Variants in BACH2 observed in about 807,000 individuals in gnomAD.
BACH2 encodes transcription regulator protein BACH2.
In BACH2, 5 loss-of-function variants were observed where a neutral mutation model predicts 61.8. That is an observed-to-expected ratio of 0.08 (90% CI 0.04 to 0.17). The LOEUF (loss-of-function observed/expected upper bound fraction) is 0.17. BACH2 is among the 10% of genes least tolerant of loss of function. The pLI is 1.00. For missense variants in BACH2, 824 were observed against 1,091.1 expected, an observed-to-expected ratio of 0.76 and a Z score of 3.45; for synonymous variants, 446 against 440.1, an observed-to-expected ratio of 1.01 and a Z score of -0.17.
At chr6:90,217,042 G>A (rs1406670764) in intron 3 of BACH2, among the ~76,000 whole-genome samples, 1 of 152,152 alleles carries the variant, frequency 6.6e-6, no homozygotes, top group Non-Finnish European at 1.5e-5. Context: ...GCAACTTGGG[G>A]TCCCCAAAAT....
intron 5 of BACH2, among the ~76,000 whole-genome samples, chr6:90,053,591 T>C (rs151256738): frequency 0.014 from 2,131 of 152,330 alleles, 20 homozygotes; most frequent in Non-Finnish European, 0.022. Flanking sequence ...AAGTATATTC[T>C]TTCAAGTTCC....
At chr6:89,935,884 C>CTTAG (rs1772991810) in intron 8 of BACH2, among the ~76,000 whole-genome samples, 1 of 152,222 alleles carries the variant, frequency 6.6e-6, no homozygotes, top group African/African-American at 2.4e-5. Flanking sequence ...GTGGACTTAA[C>CTTAG]TACCTAAGCC....
intron 6 of BACH2, among the ~76,000 whole-genome samples, chr6:89,987,239 G>A (rs919541964): frequency 1.3e-5 from 2 of 152,296 alleles, no homozygotes; most frequent in Admixed American, 1.3e-4. Context: ...GGAGAGTCCT[G>A]GCTTAAGGAG....
intron 4 of BACH2, among the ~76,000 whole-genome samples, chr6:90,092,315 T>TATATATATATATATATATATATAC (rs142761642): frequency 2.7e-5 from 3 of 112,474 alleles, no homozygotes; most frequent in East Asian, 1.4e-3. Context: ...TATATATATA[T>TATATATATATATATATATATATAC]ACACACACAC....
chr6:89,950,192 G>C lies in BACH2; in HGVS notation c.1836+78C>G. 6.7e-7 allele frequency: 1 copy of C among 1,490,216 alleles called. No homozygotes were observed. Among genetic ancestry groups the C allele is most frequent in the South Asian group, 1.1e-5 (1 of 88,006 alleles). The allele number at this position is 1,490,216 out of a possible 1,614,324, so 92.3% of individuals were successfully genotyped here. A position where few individuals can be genotyped will look rare whatever the true frequency, so the allele number is the denominator to read the frequency against. On this transcript the variant is annotated intron_variant, in intron 7 of 8. Coordinates refer to ENST00000257749, the MANE Select transcript of BACH2 (RefSeq NM_021813.4). The surrounding 1 kb of genome is among the most constrained non-coding windows in gnomAD (Gnocchi z 5.3). ...CTTAGCACGTAAGAACAATGTGGGAGTGGTGGGGGGCAGGGAGTAGTCCAG... is the reference window on the plus strand; with the variant it reads ...CTTAGCACGTAAGAACAATGTGGGACTGGTGGGGGGCAGGGAGTAGTCCAG...
chr6:90,263,955 G>A (rs1342932030), intron 2 of BACH2, among the ~76,000 whole-genome samples: 2 of 152,158 alleles, frequency 1.3e-5, no homozygotes, highest in African/African-American at 4.8e-5. Flanking sequence ...TTTACAGGCT[G>A]AAAAGCTTAT....
chr6:90,095,228 GTTTT>G (rs35734303), intron 4 of BACH2, among the ~76,000 whole-genome samples: 1 of 147,720 alleles, frequency 6.8e-6, no homozygotes, highest in African/African-American at 2.5e-5. Flanking sequence ...CAGAGATGAA[GTTTT>G]TTTTTTTTTT....
At chr6:90,208,359 G>GA (rs1176347240) in intron 3 of BACH2, among the ~76,000 whole-genome samples, 2 of 151,404 alleles carry the variant, frequency 1.3e-5, no homozygotes, top group Non-Finnish European at 2.9e-5. Context: ...AAATTTACAA[G>GA]AAAAAAAACA....
chr6:90,213,459 C>T (rs1769425264), intron 3 of BACH2, among the ~76,000 whole-genome samples: 1 of 152,182 alleles, frequency 6.6e-6, no homozygotes, highest in South Asian at 2.1e-4. Flanking sequence ...AAACTCTCTA[C>T]CTGCCTCTTG....
intron 4 of BACH2, among the ~76,000 whole-genome samples, chr6:90,121,472 A>C (rs1358504942): frequency 6.6e-6 from 1 of 152,168 alleles, no homozygotes; most frequent in South Asian, 2.1e-4. Flanking sequence ...AATAAAAACT[A>C]TTTTAATAAA....
intron 6 of BACH2, among the ~76,000 whole-genome samples, chr6:89,992,270 C>G (rs1450947667): frequency 6.6e-6 from 1 of 152,152 alleles, no homozygotes; most frequent in Non-Finnish European, 1.5e-5. Context: ...CTTCTTTGCA[C>G]AAAAGGAAGC....
intron 6 of BACH2, among the ~76,000 whole-genome samples, chr6:89,976,081 T>C (rs865814213): frequency 7.9e-5 from 12 of 152,204 alleles, no homozygotes; most frequent in Non-Finnish European, 1.5e-4. Context: ...CCTGAATCCA[T>C]CTTGTCATGC....
In BACH2 at chr6:90,169,168, T is replaced by TA. The variant is rs35775210; in HGVS notation, c.-162+37400dup. Among the ~76,000 whole-genome samples the TA allele has an allele frequency of 8.3e-3, 1,175 of 142,024 alleles. 18 individuals are homozygous for TA. Among genetic ancestry groups the TA allele is most frequent in the African/African-American group, 0.027 (1,057 of 38,464 alleles). 93.2% of individuals were successfully genotyped at this position (142,024 alleles called of 152,430 possible). A position where few individuals can be genotyped will look rare whatever the true frequency, so the allele number is the denominator to read the frequency against. On this transcript the variant is annotated intron_variant, in intron 4 of 8. Transcript: ENST00000257749. The stretch of plus-strand genomic sequence containing the variant: ...TGCTTTCTCTCAGGTTACTGGTGAT[T>TA]AAAAAAAAAAAAAAGATTTTCTGAA...
chr6:90,163,376 T>G (rs1437755977), intron 4 of BACH2, among the ~76,000 whole-genome samples: 3 of 152,054 alleles, frequency 2.0e-5, no homozygotes, highest in Non-Finnish European at 4.4e-5. Flanking sequence ...CAACACAGAT[T>G]TAATTTATCT....
intron 5 of BACH2, among the ~76,000 whole-genome samples, chr6:90,031,573 G>A (rs1175192038): frequency 6.6e-6 from 1 of 152,048 alleles, no homozygotes; most frequent in African/African-American, 2.4e-5. Context: ...GACAAACAGA[G>A]AGCCAAATCA....
intron 4 of BACH2, among the ~76,000 whole-genome samples, chr6:90,190,614 T>C (rs1271726808): frequency 6.6e-6 from 1 of 152,236 alleles, no homozygotes; most frequent in Non-Finnish European, 1.5e-5. Flanking sequence ...ATAAAATTTA[T>C]AGAAAACTAA....
At chr6:90,138,308 G>A (rs1431005315) in intron 4 of BACH2, among the ~76,000 whole-genome samples, 4 of 152,164 alleles carry the variant, frequency 2.6e-5, no homozygotes, top group African/African-American at 9.7e-5. Flanking sequence ...TTCGAGACCA[G>A]TCTGGCCAAC....
chr6:90,282,478 C>T lies in BACH2; in HGVS notation c.-445-10537G>A, dbSNP rs563506495. Among the ~76,000 whole-genome samples, 9 of 152,290 alleles carry T rather than the reference C, an allele frequency of 5.9e-5. No homozygotes were observed. The East Asian group carries it at 9.6e-4, about 16-fold the overall frequency. On this transcript the variant is annotated intron_variant, in intron 1 of 8. Coordinates refer to ENST00000257749, the MANE Select transcript of BACH2 (RefSeq NM_021813.4). Reference sequence around the variant, plus strand: ...GCTCCATCTATGTCCCTGCAAAGGACATGATCTCATTCTTTTTTATGGCTG... The same window carrying T: ...GCTCCATCTATGTCCCTGCAAAGGATATGATCTCATTCTTTTTTATGGCTG...
intron 6 of BACH2, among the ~76,000 whole-genome samples, chr6:89,985,485 T>C (rs1192971297): frequency 2.0e-5 from 3 of 152,084 alleles, no homozygotes; most frequent in African/African-American, 4.8e-5. Flanking sequence ...GATTCTCACA[T>C]TAACAATGCA....
Sources: gnomAD v4.1 joint callset for allele counts (sites outside exome capture counted in the v4.1 genomes callset) on GRCh38, gnomAD v4.1.1 for gene constraint, Gnocchi (gnomAD v3.1) non-coding constraint, MANE v1.5 for transcripts, NCBI Gene and HGNC (gene_info 2026-07-23, HGNC 2026-07-21) for gene names.